RANBP17: variants seen among roughly 807,000 people sequenced by gnomAD.
RANBP17 encodes the protein RAN binding protein 17.
In RANBP17, 158 loss-of-function variants were observed where a neutral mutation model predicts 141.2. The ratio of observed to expected loss-of-function variants is 1.12; its 90% CI spans 0.98 to 1.28. RANBP17 has a LOEUF of 1.28. Ranked by LOEUF, RANBP17 falls within the 50% of genes most tolerant of loss-of-function variation. The pLI is 0.00. For synonymous variants in RANBP17, 430 were observed against 450.0 expected, an observed-to-expected ratio of 0.96 and a Z score of 0.56; for missense variants, 1,438 against 1,290.7, an observed-to-expected ratio of 1.11 and a Z score of -1.75.
intron 14 of RANBP17, among the ~76,000 whole-genome samples, chr5:171,121,169 G>A (rs1353811272): frequency 6.6e-6 from 1 of 152,234 alleles, no homozygotes; most frequent in Non-Finnish European, 1.5e-5. Context: ...GGGGCTATGG[G>A]TTGTTACTCT....
intron 14 of RANBP17, among the ~76,000 whole-genome samples, chr5:171,152,874 C>CA (rs1324596627): frequency 1.3e-5 from 2 of 152,188 alleles, no homozygotes; most frequent in Admixed American, 1.3e-4. Context: ...TCATTAACCT[C>CA]ATTTCTATAG....
chr5:171,004,145 G>A (rs1779416683), intron 14 of RANBP17, among the ~76,000 whole-genome samples: 1 of 152,114 alleles, frequency 6.6e-6, no homozygotes, highest in South Asian at 2.1e-4. Flanking sequence ...TACTGGCATT[G>A]TGTGGGGTAA....
chr5:170,914,207 G>T lies in RANBP17; in HGVS notation c.801G>T (p.Leu267Phe). Residue 267 changes from leucine (L) to phenylalanine (F), a missense_variant, in exon 8 of 28, where the codon TTG (leucine) becomes TTT (phenylalanine). Coordinates refer to ENST00000523189, the MANE Select transcript of RANBP17 (RefSeq NM_022897.5). ...EPETLDLFFN[L>F]YHSLPPLLSQ... is the part of the protein sequence containing the mutation. ...AAACATTGGATCTTTTCTTCAATTTGTATCATTCACTTCCACCACTACTAT... is the reference window on the plus strand; with the variant it reads ...AAACATTGGATCTTTTCTTCAATTTTTATCATTCACTTCCACCACTACTAT... The T allele has an allele frequency of 6.2e-7, 1 of 1,610,142 alleles. No individual in the cohort carries two copies. Among genetic ancestry groups the T allele is most frequent in the South Asian group, 1.1e-5 (1 of 90,962 alleles).
intron 14 of RANBP17, among the ~76,000 whole-genome samples, chr5:171,083,563 A>G (rs138854960): frequency 2.5e-3 from 374 of 152,338 alleles, no homozygotes; most frequent in African/African-American, 8.3e-3. Context: ...GTGCATGTCA[A>G]CTTCTACATT....
intron 14 of RANBP17, among the ~76,000 whole-genome samples, chr5:171,130,747 G>A (rs1369884336): frequency 6.6e-6 from 1 of 152,088 alleles, no homozygotes; most frequent in Non-Finnish European, 1.5e-5. Flanking sequence ...TGTAAAATAT[G>A]TCAGGTGCTT....
At chr5:171,024,390 G>T (rs1296431533) in intron 14 of RANBP17, among the ~76,000 whole-genome samples, 1 of 152,188 alleles carries the variant, frequency 6.6e-6, no homozygotes, top group Non-Finnish European at 1.5e-5. Flanking sequence ...TACAGCCACA[G>T]TCATTCTTTT....
chr5:171,065,281 CAG>C (rs1429298280), intron 14 of RANBP17, among the ~76,000 whole-genome samples: 3 of 151,980 alleles, frequency 2.0e-5, no homozygotes, highest in Admixed American at 2.0e-4. Flanking sequence ...TCATGGAAGA[CAG>C]ATTTTCCACA....
At chr5:171,065,777 T>C (rs1377301332) in intron 14 of RANBP17, among the ~76,000 whole-genome samples, 1 of 152,204 alleles carries the variant, frequency 6.6e-6, no homozygotes, top group Non-Finnish European at 1.5e-5. Flanking sequence ...AGCATGTTTT[T>C]ATACCTTGGA....
intron 3 of RANBP17, among the ~76,000 whole-genome samples, chr5:170,884,379 A>C (rs1180741684): frequency 6.6e-6 from 1 of 152,238 alleles, no homozygotes; most frequent in East Asian, 1.9e-4. Context: ...AAACAGGCTG[A>C]TTAATCCATA....
At chr5:171,193,745 G>C (rs1471673550) in intron 18 of RANBP17, among the ~76,000 whole-genome samples, 1 of 152,172 alleles carries the variant, frequency 6.6e-6, no homozygotes, top group Non-Finnish European at 1.5e-5. Flanking sequence ...CATCTTTGTG[G>C]TTCTTTGACT....
At chr5:171,155,110 T>TATATAC (rs138518602) in intron 14 of RANBP17, among the ~76,000 whole-genome samples, 3 of 135,330 alleles carry the variant, frequency 2.2e-5, no homozygotes, top group African/African-American at 8.6e-5. Flanking sequence ...TATATATATA[T>TATATAC]ATATATATAT....
chr5:171,119,148 A>G (rs1385050514), intron 14 of RANBP17, among the ~76,000 whole-genome samples: 1 of 152,038 alleles, frequency 6.6e-6, no homozygotes, highest in African/African-American at 2.4e-5. Context: ...GAATTTTTTT[A>G]TCCTTCATTC....
intron 25 of RANBP17, among the ~76,000 whole-genome samples, chr5:171,281,198 AT>A (rs934311618): frequency 5.3e-5 from 8 of 152,192 alleles, no homozygotes; most frequent in Admixed American, 2.0e-4. Context: ...AAAGGAGAAC[AT>A]TTGAGTATAT....
At chr5:170,998,927 T>C (rs1779015625) in intron 14 of RANBP17, among the ~76,000 whole-genome samples, 1 of 152,130 alleles carries the variant, frequency 6.6e-6, no homozygotes, top group Non-Finnish European at 1.5e-5. Flanking sequence ...GCTTACGTGT[T>C]ATTTTATATT....
In RANBP17 at chr5:171,090,826, T is replaced by C. The variant is rs77021940; in HGVS notation, c.1711-79304T>C. ...CCAAGCCTTGGCGACTTCCACATAG[T>C]GTTGAGCCTGCGGGTGCACAGAAGT... On this transcript the variant is annotated intron_variant, in intron 14 of 27. Transcript: ENST00000523189. Among the ~76,000 whole-genome samples, 407 of 152,234 alleles carry C rather than the reference T, an allele frequency of 2.7e-3. 8 individuals are homozygous for C. The East Asian group carries it at 0.044, about 17-fold the overall frequency.
At chr5:170,905,361 C>G (rs1217951794) in intron 5 of RANBP17, among the ~76,000 whole-genome samples, 1 of 152,056 alleles carries the variant, frequency 6.6e-6, no homozygotes, top group Admixed American at 6.5e-5. Flanking sequence ...TGTCCATGCA[C>G]ACATATAGAT....
At chr5:171,057,722 C>A (rs565836380) in intron 14 of RANBP17, among the ~76,000 whole-genome samples, 1 of 151,944 alleles carries the variant, frequency 6.6e-6, no homozygotes, top group Non-Finnish European at 1.5e-5. Context: ...ACAGTCATAG[C>A]AGAAAGGAAA....
At chr5:171,258,840 C>T (rs1766097013) in intron 24 of RANBP17, among the ~76,000 whole-genome samples, 1 of 151,980 alleles carries the variant, frequency 6.6e-6, no homozygotes, top group Non-Finnish European at 1.5e-5. Context: ...TGACAAAGAC[C>T]TCCAAAACAC....
intron 4 of RANBP17, among the ~76,000 whole-genome samples, chr5:170,894,429 T>G (rs1433308011): frequency 6.7e-6 from 1 of 149,674 alleles, no homozygotes; most frequent in African/African-American, 2.5e-5. Context: ...ACAACATGTT[T>G]TAGCTTGAAA....
Sources: allele counts gnomAD v4.1 joint callset (sites outside exome capture counted in the v4.1 genomes callset), GRCh38; gene constraint gnomAD v4.1.1; transcripts MANE v1.5; gene names NCBI Gene and HGNC (gene_info 2026-07-23, HGNC 2026-07-21).